The following CNTNAP5 variants were observed in gnomAD, a reference collection of about 807,000 sequenced individuals.
CNTNAP5 encodes the protein contactin-associated protein-like 5.
In CNTNAP5, 72 loss-of-function variants were observed where a neutral mutation model predicts 150.2. The ratio of observed to expected loss-of-function variants is 0.48; its 90% CI spans 0.40 to 0.58. CNTNAP5 has a LOEUF of 0.58. CNTNAP5 is among the 20% of genes least tolerant of loss of function. CNTNAP5 has a pLI of 0.00. For synonymous variants in CNTNAP5, 672 were observed against 619.8 expected (o/e 1.08, Z -1.25); for missense variants, 1,636 against 1,626.2 (o/e 1.01, Z -0.10).
intron 12 of CNTNAP5, among the ~76,000 whole-genome samples, chr2:124,645,883 A>C (rs1338590609): frequency 6.6e-6 from 1 of 152,156 alleles, no homozygotes; most frequent in Non-Finnish European, 1.5e-5. Context: ...GGGAGCAGGC[A>C]GTTCAGACGG....
At chr2:124,580,472 A>G (rs893931281) in intron 11 of CNTNAP5, among the ~76,000 whole-genome samples, 26 of 152,320 alleles carry the variant, frequency 1.7e-4, no homozygotes, top group African/African-American at 5.3e-4. Flanking sequence ...TTCTGTCCAC[A>G]TATTTTCTTC....
intron 7 of CNTNAP5, among the ~76,000 whole-genome samples, chr2:124,501,592 A>G (rs1274331244): frequency 6.6e-6 from 1 of 152,218 alleles, no homozygotes; most frequent in Non-Finnish European, 1.5e-5. Flanking sequence ...CACAAATGGC[A>G]CTACTGAAAA....
chr2:124,551,601 G>T (rs1210838501), intron 10 of CNTNAP5, among the ~76,000 whole-genome samples: 1 of 152,090 alleles, frequency 6.6e-6, no homozygotes, highest in Non-Finnish European at 1.5e-5. Flanking sequence ...GAAATGTTTT[G>T]TTCTTTTGTC....
At position 124,609,935 on chromosome 2, in the gene CNTNAP5, G is replaced by A. The variant is rs181453652; in HGVS notation, c.1876+15G>A. On this transcript the variant is annotated intron_variant, in intron 12 of 23. Transcript: ENST00000682447. ...CAATATCACTGGTAAGGGTGCAGTAGCCCTACTCACACTTAACCACCCCAC... is the reference window on the plus strand; with the variant it reads ...CAATATCACTGGTAAGGGTGCAGTAACCCTACTCACACTTAACCACCCCAC... 5.3e-5 allele frequency: 85 copies of A among 1,606,542 alleles called. No individual in the cohort carries two copies. The East Asian group carries it at 1.1e-3, about 21-fold the overall frequency.
intron 10 of CNTNAP5, among the ~76,000 whole-genome samples, chr2:124,541,020 G>T (rs770383831): frequency 5.9e-5 from 9 of 151,890 alleles, no homozygotes; most frequent in Admixed American, 2.6e-4. Flanking sequence ...TACAGAGGTC[G>T]CTGCAAACTT....
At position 124,897,936 on chromosome 2, in the gene CNTNAP5, A is replaced by AGTGT. The variant is rs56154943; in HGVS notation, c.3437-4907_3437-4904dup. Among the ~76,000 whole-genome samples, 342 of 142,102 alleles carry AGTGT rather than the reference A, an allele frequency of 2.4e-3. 5 individuals are homozygous for AGTGT. The highest frequency in any genetic ancestry group is 0.014 in the East Asian group (67 of 4,704). 93.2% of individuals were successfully genotyped at this position (142,102 alleles called of 152,430 possible). A position where few individuals can be genotyped will look rare whatever the true frequency, so the allele number is the denominator to read the frequency against. On this transcript the variant is annotated intron_variant, in intron 21 of 23. Transcript: ENST00000682447. ...ACATAAAAGCAGTAAGCAAATGCCA[A>AGTGT]GTGTGTGTGTGTGTGTGTGTGTGTG...
At chr2:124,264,827 T>C (rs1441455775) in intron 3 of CNTNAP5, among the ~76,000 whole-genome samples, 1 of 152,214 alleles carries the variant, frequency 6.6e-6, no homozygotes, top group Admixed American at 6.5e-5. Context: ...TGGACTGGAA[T>C]GCTCTGCTAC....
At chr2:124,893,510 C>A (rs1678242078) in intron 21 of CNTNAP5, among the ~76,000 whole-genome samples, 1 of 152,036 alleles carries the variant, frequency 6.6e-6, no homozygotes, top group Admixed American at 6.6e-5. Context: ...CTACTGTATG[C>A]CATTTCTCTG....
chr2:124,574,298 T>C (rs1050767753), intron 11 of CNTNAP5, among the ~76,000 whole-genome samples: 5 of 152,194 alleles, frequency 3.3e-5, no homozygotes, highest in Non-Finnish European at 7.3e-5. Flanking sequence ...ATGAATACTG[T>C]GTGGATTATA....
chr2:124,445,103 A>G (rs1280729206), intron 5 of CNTNAP5, among the ~76,000 whole-genome samples: 3 of 106,110 alleles, frequency 2.8e-5, no homozygotes, highest in South Asian at 3.1e-4. Flanking sequence ...TTTTTTTTTT[A>G]GATGAAGTTT....
rs1558746882 is a variant in CNTNAP5, at chr2:124,713,309, T to TTTC, written c.2078-33920_2078-33919insTTC. On this transcript the variant is annotated intron_variant, in intron 13 of 23. Coordinates refer to ENST00000682447, the MANE Select transcript of CNTNAP5 (RefSeq NM_001367498.1). ...TCTTTCTTTCTTTCTTTCTTCTTTC[T>TTTC]CTTTCTTTCCTTTCTTTCTTTCTTT... is the stretch of plus-strand genomic sequence containing the variant. 2.0e-3 allele frequency among the ~76,000 whole-genome samples: 161 copies of TTTC among 81,376 alleles called. 1 individual carries two copies. Among genetic ancestry groups the TTTC allele is most frequent in the Middle Eastern group, 6.2e-3 (1 of 162 alleles). 53.4% of individuals were successfully genotyped at this position (81,376 alleles called of 152,430 possible). A position where few individuals can be genotyped will look rare whatever the true frequency, so the allele number is the denominator to read the frequency against.
chr2:124,335,378 C>T (rs1251230743), intron 3 of CNTNAP5, among the ~76,000 whole-genome samples: 1 of 151,716 alleles, frequency 6.6e-6, no homozygotes, highest in African/African-American at 2.4e-5. Flanking sequence ...GGCCACTTGG[C>T]AGGACCCAAA....
intron 3 of CNTNAP5, among the ~76,000 whole-genome samples, chr2:124,401,960 A>T (rs1377586988): frequency 6.6e-6 from 1 of 152,188 alleles, no homozygotes. Context: ...TCACGGGTTT[A>T]CTGAGTAACT....
chr2:124,396,115 G>C (rs1691236731), intron 3 of CNTNAP5, among the ~76,000 whole-genome samples: 1 of 152,186 alleles, frequency 6.6e-6, no homozygotes, highest in South Asian at 2.1e-4. Context: ...AAGCAGAACA[G>C]GGCCAGCTTA....
At chr2:124,410,134 G>A (rs1413540800) in intron 3 of CNTNAP5, among the ~76,000 whole-genome samples, 1 of 152,112 alleles carries the variant, frequency 6.6e-6, no homozygotes, top group Non-Finnish European at 1.5e-5. Context: ...GACAAAGGAG[G>A]CCATTACATA....
chr2:124,376,060 G>A (rs1301784295), intron 3 of CNTNAP5, among the ~76,000 whole-genome samples: 1 of 151,974 alleles, frequency 6.6e-6, no homozygotes. Context: ...CTGGGGAGAA[G>A]AAATAATATA....
Position 124,366,578 on chromosome 2 carries a change from A to G in CNTNAP5, c.382-50865A>G, listed in dbSNP as rs751040476. Among the ~76,000 whole-genome samples the G allele has an allele frequency of 6.6e-5, 10 of 152,284 alleles. 1 individual carries two copies. Among genetic ancestry groups the G allele is most frequent in the South Asian group, 4.1e-4 (2 of 4,824 alleles). On this transcript the variant is annotated intron_variant, in intron 3 of 23. Coordinates refer to ENST00000682447, the MANE Select transcript of CNTNAP5 (RefSeq NM_001367498.1). ...AATCAACCTCAGGCTGAAGCCCTGG[A>G]TCTGAAGGGAACTTTCTTTAAAGAG...
intron 6 of CNTNAP5, among the ~76,000 whole-genome samples, chr2:124,451,321 G>A (rs1356076988): frequency 6.6e-6 from 1 of 151,594 alleles, no homozygotes; most frequent in Non-Finnish European, 1.5e-5. Flanking sequence ...TTTCACAGAA[G>A]TTTTAAATAG....
intron 3 of CNTNAP5, among the ~76,000 whole-genome samples, chr2:124,305,299 C>T (rs556259775): frequency 6.6e-6 from 1 of 151,666 alleles, no homozygotes; most frequent in African/African-American, 2.4e-5. Context: ...AAAGGTGACA[C>T]TGCAAATGGC....
Sources: allele counts gnomAD v4.1 joint callset (sites outside exome capture counted in the v4.1 genomes callset), GRCh38; gene constraint gnomAD v4.1.1; transcripts MANE v1.5; gene names NCBI Gene and HGNC (gene_info 2026-07-23, HGNC 2026-07-21).